The following AOPEP variants were observed in gnomAD, a reference collection of about 807,000 sequenced individuals.
AOPEP encodes the protein aminopeptidase O.
In AOPEP, 77 loss-of-function variants were observed where a neutral mutation model predicts 98.1. The observed-to-expected ratio is 0.78, with a 90% CI of 0.65 to 0.95. The LOEUF (loss-of-function observed/expected upper bound fraction) is 0.95, where lower values mean the gene tolerates loss of function less well. Among genes scored for constraint, AOPEP ranks in the 40% least tolerant of loss-of-function variants. The pLI is 0.00. For synonymous variants in AOPEP, 346 were observed against 365.3 expected (o/e 0.95, Z 0.60); for missense variants, 1,024 against 1,024.7 (o/e 1.00, Z 0.01).
intron 5 of AOPEP, among the ~76,000 whole-genome samples, chr9:94,816,731 C>G (rs1402638000): frequency 1.3e-5 from 2 of 151,984 alleles, no homozygotes; most frequent in Non-Finnish European, 2.9e-5. Context: ...AGTGCTAGAC[C>G]TAGGTCTGGG....
chr9:95,075,520 A>G (rs536906565), intron 14 of AOPEP, among the ~76,000 whole-genome samples: 8 of 152,372 alleles, frequency 5.3e-5, no homozygotes, highest in African/African-American at 1.9e-4. Flanking sequence ...AGAAAAAGCC[A>G]GTGATCCAAT....
chr9:95,011,920 T>A (rs372164795), intron 13 of AOPEP, among the ~76,000 whole-genome samples: 2 of 152,230 alleles, frequency 1.3e-5, no homozygotes, highest in East Asian at 3.8e-4. Context: ...TAAAGTATCA[T>A]CATCCACTTA....
chr9:94,744,919 T>A (rs1834119093), intron 1 of AOPEP, among the ~76,000 whole-genome samples: 1 of 152,180 alleles, frequency 6.6e-6, no homozygotes, highest in South Asian at 2.1e-4. Context: ...TTCATTGAGC[T>A]CTTTTTTTAT....
chr9:94,967,903 T>C (rs2059305442), intron 10 of AOPEP, 102 bp downstream of exon 10: 1 of 989,574 alleles, frequency 1.0e-6, no homozygotes. Flanking sequence ...GCTCAGTCTT[T>C]CTGTCTAATA....
At chr9:94,766,423 G>A (rs1839633277) in intron 2 of AOPEP, among the ~76,000 whole-genome samples, 1 of 152,216 alleles carries the variant, frequency 6.6e-6, no homozygotes, top group Admixed American at 6.5e-5. Flanking sequence ...CGTTGTCCCA[G>A]CTACTTGGGA....
intron 5 of AOPEP, chr9:94,921,390 A>G (rs2053601849): frequency 6.6e-6 from 1 of 152,260 alleles, no homozygotes; most frequent in African/African-American, 2.4e-5. Context: ...TTGTGGGTGG[A>G]CATGGGTAGA....
chr9:95,129,537 G>C, the AOPEP span, among the ~76,000 whole-genome samples: 5 of 152,214 alleles, frequency 3.3e-5, no homozygotes, highest in Non-Finnish European at 7.3e-5. Flanking sequence ...CACGCTGCAA[G>C]CCAGGGCTCT....
chr9:95,089,539 C>T (rs756003862), downstream of AOPEP, among the ~76,000 whole-genome samples: 15 of 152,182 alleles, frequency 9.9e-5, no homozygotes, highest in Non-Finnish European at 2.1e-4. Flanking sequence ...CACAATGCCT[C>T]CCCAGCTGTG....
chr9:94,868,998 G>A (rs530983364), intron 5 of AOPEP, among the ~76,000 whole-genome samples: 2 of 152,274 alleles, frequency 1.3e-5, no homozygotes, highest in Admixed American at 6.5e-5. Context: ...GGAGGCCAGT[G>A]CAGGTGGATC....
At chr9:95,136,621 G>T in the AOPEP span, among the ~76,000 whole-genome samples, 1 of 152,088 alleles carries the variant, frequency 6.6e-6, no homozygotes, top group African/African-American at 2.4e-5. Flanking sequence ...CCAGTAGCTG[G>T]GACTACAGGT....
At chr9:95,020,736 G>C (rs1173120355) in intron 13 of AOPEP, among the ~76,000 whole-genome samples, 1 of 151,848 alleles carries the variant, frequency 6.6e-6, no homozygotes, top group Non-Finnish European at 1.5e-5. Flanking sequence ...TCGGCAACAT[G>C]GTGAAACCCC....
At chr9:95,110,571 T>C in the AOPEP span, 1 of 1,034,028 alleles carries the variant, frequency 9.7e-7, no homozygotes. Flanking sequence ...ATTTCAACTT[T>C]TTAAAATCTA....
At chr9:94,987,009 G>A (rs1478784078) in intron 11 of AOPEP, among the ~76,000 whole-genome samples, 1 of 152,198 alleles carries the variant, frequency 6.6e-6, no homozygotes, top group African/African-American at 2.4e-5. Flanking sequence ...AGACCAGATG[G>A]ATGATATTTG....
At chr9:94,748,365 G>C (rs557285779) in intron 1 of AOPEP, among the ~76,000 whole-genome samples, 75 of 152,174 alleles carry the variant, frequency 4.9e-4, no homozygotes, top group Non-Finnish European at 9.4e-4. Context: ...TATTTTTCCT[G>C]TGTAAATAAA....
chr9:94,839,383 C>A (rs895378013), intron 5 of AOPEP, among the ~76,000 whole-genome samples: 1 of 152,080 alleles, frequency 6.6e-6, no homozygotes, highest in Non-Finnish European at 1.5e-5. Flanking sequence ...GCCAACCCGC[C>A]CAGCCTAATT....
In AOPEP at chr9:94,732,767, A is replaced by G. The variant is rs1424613033; in HGVS notation, c.-136+6016A>G. Reference sequence around the variant, plus strand: ...CATTTATACTAAATACAGAATATAAACTCAAGAGCATGACAGAAGACTATG... The same window carrying G: ...CATTTATACTAAATACAGAATATAAGCTCAAGAGCATGACAGAAGACTATG... On this transcript the variant is annotated intron_variant, in intron 1 of 16. Coordinates refer to ENST00000375315, the MANE Select transcript of AOPEP (RefSeq NM_001193329.3). Among the ~76,000 whole-genome samples the G allele has an allele frequency of 2.0e-5, 3 of 152,232 alleles. No individual in the cohort carries two copies. In the East Asian group the frequency reaches 5.8e-4, roughly 29 times the overall value.
intron 5 of AOPEP, among the ~76,000 whole-genome samples, chr9:94,891,122 G>A (rs1189458088): frequency 2.0e-5 from 3 of 152,174 alleles, no homozygotes; most frequent in Admixed American, 1.3e-4. Context: ...TTAAGCTCTT[G>A]TTTAGTGCAT....
chr9:94,734,337 A>G (rs1587947465), intron 1 of AOPEP, among the ~76,000 whole-genome samples: 1 of 152,202 alleles, frequency 6.6e-6, no homozygotes, highest in East Asian at 1.9e-4. Context: ...AAGGACAGAA[A>G]GATGGTTGGT....
chr9:95,006,262 G>A lies in AOPEP; in HGVS notation c.2115+646G>A, dbSNP rs2062011009. The A allele has an allele frequency of 8.8e-6, 3 of 342,512 alleles. No homozygotes were observed. In the East Asian group the frequency reaches 2.2e-4, roughly 25 times the overall value. 21.2% of individuals were successfully genotyped at this position (342,512 alleles called of 1,614,324 possible). On this transcript the variant is annotated intron_variant, in intron 13 of 16. Transcript: ENST00000375315. ...AGTGACTTGCGGAAAACTCGTAAAA[G>A]TGAATAATTTTTTGACAAATATTAC...
Sources: allele counts gnomAD v4.1 joint callset (sites outside exome capture counted in the v4.1 genomes callset), GRCh38; gene constraint gnomAD v4.1.1; transcripts MANE v1.5; gene names NCBI Gene and HGNC (gene_info 2026-07-23, HGNC 2026-07-21).